Variants in PCDHGB2 observed in about 807,000 individuals in gnomAD.
PCDHGB2 encodes the protein protocadherin gamma subfamily B, 2.
PCDHGB2 carries 55 observed loss-of-function variants against 59.3 expected under a neutral mutation model. The observed-to-expected ratio is 0.93, with a 90% CI of 0.75 to 1.16. The LOEUF (loss-of-function observed/expected upper bound fraction) is 1.16, where lower values mean the gene tolerates loss of function less well. Among genes scored for constraint, PCDHGB2 ranks in the 50% most tolerant of loss-of-function variants. The pLI is 0.00. For synonymous variants in PCDHGB2, 516 were observed against 512.0 expected, an observed-to-expected ratio of 1.01 and a Z score of -0.11; for missense variants, 1,228 against 1,198.5, an observed-to-expected ratio of 1.02 and a Z score of -0.36.
chr5:141,417,524 T>C (rs2096128269), intron 1 of PCDHGB2: 1 of 271,098 alleles, frequency 3.7e-6, no homozygotes, highest in African/African-American at 2.2e-5. Flanking sequence ...GGCTGTCAAC[T>C]CGTAGTTTAA....
At chr5:141,381,830 T>C (rs796824162) in intron 1 of PCDHGB2, among the ~76,000 whole-genome samples, 3 of 133,454 alleles carry the variant, frequency 2.2e-5, no homozygotes, top group African/African-American at 9.3e-5. Flanking sequence ...CTTCTTCTTT[T>C]TTTTTTTTTT....
Position 141,360,974 on chromosome 5 carries a change from C to G in PCDHGB2, c.839C>G (p.Ser280Cys), listed in dbSNP as rs578154507. The change falls in exon 1 of 4, where the codon TCC (serine) becomes TGC (cysteine). Residue 280 changes from serine (S) to cysteine (C), a missense_variant. Transcript: ENST00000522605. The stretch of plus-strand genomic sequence containing the variant: ...GGCATAAACGCAGAGATCACCTACT[C>G]CTTTCATAATGTGGACGAACAAGTG... ...DEGINAEITY[S>C]FHNVDEQVKH... The G allele has an allele frequency of 2.5e-6, 4 of 1,613,822 alleles. No individual in the cohort carries two copies. The South Asian group carries it at 4.4e-5, about 18-fold the overall frequency.
Position 141,493,508 on chromosome 5 carries a change from C to T in PCDHGB2, c.2422-1299C>T, listed in dbSNP as rs2099748607. 1.3e-5 allele frequency among the ~76,000 whole-genome samples: 2 copies of T among 152,284 alleles called. No homozygotes were observed. The highest frequency in any genetic ancestry group is 4.1e-4 in the South Asian group (2 of 4,820). On this transcript the variant is annotated intron_variant, in intron 1 of 3. Transcript: ENST00000522605. The surrounding 1 kb of genome is among the most constrained non-coding windows in gnomAD (Gnocchi z 4.3). Reference sequence around the variant, plus strand: ...TCTTCTGTGGCTCCTCATTTCTGAGCAGTCCCCGCAGCGCAAACTTGGCCA... The same window carrying T: ...TCTTCTGTGGCTCCTCATTTCTGAGTAGTCCCCGCAGCGCAAACTTGGCCA...
intron 2 of PCDHGB2, among the ~76,000 whole-genome samples, chr5:141,496,955 G>T (rs2099772887): frequency 6.6e-6 from 1 of 152,006 alleles, no homozygotes; most frequent in African/African-American, 2.4e-5. Context: ...GGAGGCCAAG[G>T]TGGGTAGATC....
intron 1 of PCDHGB2, chr5:141,423,372 C>G: frequency 6.2e-7 from 1 of 1,614,178 alleles, no homozygotes; most frequent in Non-Finnish European, 8.5e-7. Context: ...TGCTGGCACT[C>G]AGGCTGTGGC....
chr5:141,503,046 G>T (rs1187153008), intron 2 of PCDHGB2, among the ~76,000 whole-genome samples: 1 of 151,658 alleles, frequency 6.6e-6, no homozygotes, highest in Non-Finnish European at 1.5e-5. Flanking sequence ...GTTGAGACAG[G>T]GTTTCACCAT....
In PCDHGB2 at chr5:141,476,656, T is replaced by A. The variant is rs190269177; in HGVS notation, c.2422-18151T>A. 6.2e-7 allele frequency: 1 copy of A among 1,614,210 alleles called. No individual in the cohort carries two copies. The highest frequency in any genetic ancestry group is 1.3e-5 in the African/African-American group (1 of 75,064). ...ATGAGCTGAGCCGAAATGAATACTTTGCGCTTCGCGTGCAGACGCGGGAGG... is the reference window on the plus strand; with the variant it reads ...ATGAGCTGAGCCGAAATGAATACTTAGCGCTTCGCGTGCAGACGCGGGAGG... On this transcript the variant is annotated intron_variant, in intron 1 of 3. Coordinates refer to ENST00000522605, the MANE Select transcript of PCDHGB2 (RefSeq NM_018923.3). This position sits in a 1 kb window ranked among gnomAD's most constrained non-coding sequence, Gnocchi z 7.6.
At position 141,362,075 on chromosome 5, in the gene PCDHGB2, G is replaced by A. The variant is rs533999436; in HGVS notation, c.1940G>A (p.Arg647His). The A allele has an allele frequency of 5.6e-6, 9 of 1,612,846 alleles. No individual in the cohort carries two copies. Among genetic ancestry groups the A allele is most frequent in the Non-Finnish European group, 7.6e-6 (9 of 1,179,816 alleles). Residue 647 changes from arginine (R) to histidine (H), a missense_variant, in exon 1 of 4, where the codon CGT becomes CAT. Around this residue, in one of 3 missense-constraint regions of PCDHGB2, gnomAD observed 433 missense variants for 441.8 expected, o/e 0.98. Coordinates refer to ENST00000522605, the MANE Select transcript of PCDHGB2 (RefSeq NM_018923.3). ...AARQRLLVAV[R>H]DGGQPPLSAT... is the part of the protein sequence containing the mutation. The stretch of plus-strand genomic sequence containing the variant: ...CGCCAGCGCCTGCTGGTCGCTGTGC[G>A]TGATGGAGGACAGCCGCCACTCTCC...
intron 1 of PCDHGB2, among the ~76,000 whole-genome samples, chr5:141,387,456 T>C (rs1444030980): frequency 6.6e-6 from 1 of 152,246 alleles, no homozygotes; most frequent in Non-Finnish European, 1.5e-5. Context: ...ATGATTTGCC[T>C]AAAAATCCTC....
At position 141,486,478 on chromosome 5, in the gene PCDHGB2, C is replaced by T; in HGVS notation, c.2422-8329C>T. The T allele has an allele frequency of 2.5e-6, 4 of 1,614,026 alleles. No homozygotes were observed. The highest frequency in any genetic ancestry group is 3.4e-6 in the Non-Finnish European group (4 of 1,179,854). On this transcript the variant is annotated intron_variant, in intron 1 of 3. Transcript: ENST00000522605. The surrounding 1 kb of genome is among the most constrained non-coding windows in gnomAD (Gnocchi z 5.0). ...CTTCTGATGCTGGGAACCCTCCTCT[C>T]AGTACCCACAGAACTATTTTCCTCA...
rs58019021 is a variant in PCDHGB2, at chr5:141,500,184, T to TTTTATTTATTTA, written c.2481-5178_2481-5167dup. Among the ~76,000 whole-genome samples, 232 of 135,962 alleles carry TTTTATTTATTTA rather than the reference T, an allele frequency of 1.7e-3. 1 individual carries two copies. The highest frequency in any genetic ancestry group is 6.4e-3 in the South Asian group (27 of 4,202). The allele number at this position is 135,962 out of a possible 152,430, so 89.2% of individuals were successfully genotyped here. A position where few individuals can be genotyped will look rare whatever the true frequency, so the allele number is the denominator to read the frequency against. The stretch of plus-strand genomic sequence containing the variant: ...GAACATGCATGAGCTTCATTTTTAT[T>TTTTATTTATTTA]TTTATTTATTTATTTATTTATTTAT... On this transcript the variant is annotated intron_variant, in intron 2 of 3. Transcript: ENST00000522605.
intron 1 of PCDHGB2, among the ~76,000 whole-genome samples, chr5:141,452,416 C>T (rs2098741061): frequency 6.6e-6 from 1 of 152,144 alleles, no homozygotes; most frequent in African/African-American, 2.4e-5. Context: ...GAGGTATGCT[C>T]ACTGCTAATG....
chr5:141,419,315 C>A lies in PCDHGB2; in HGVS notation c.2421+56759C>A, dbSNP rs2096357855. ...TGACCCAGACTTCGGGCTCAACGGC[C>A]GTGTCTCCTACTCTCTCATTGCCAG... On this transcript the variant is annotated intron_variant, in intron 1 of 3. Transcript: ENST00000522605. 3 of 1,613,880 alleles carry A rather than the reference C, an allele frequency of 1.9e-6. No homozygotes were observed. Among genetic ancestry groups the A allele is most frequent in the Non-Finnish European group, 2.5e-6 (3 of 1,179,910 alleles).
In PCDHGB2 at chr5:141,511,086, G is replaced by A. The variant is rs2099883600; in HGVS notation, c.2709G>A (p.Leu903=). The A allele has an allele frequency of 1.2e-6, 2 of 1,614,062 alleles. No individual in the cohort carries two copies. The highest frequency in any genetic ancestry group is 2.2e-5 in the East Asian group (1 of 44,886). The change falls in exon 4 of 4, where the codon CTG becomes CTA. Residue 903 remains leucine (L), a synonymous_variant. Transcript: ENST00000522605. ...ACATCCCAGGCAGCAATGCCACACT[G>A]ACCAACGCAGCTGGCAAGCGGGATG... is the stretch of plus-strand genomic sequence containing the variant. The part of the protein sequence containing the change: ...NVYIPGSNAT[L]TNAAGKRDGK...
rs780024608 is a variant in PCDHGB2, at chr5:141,376,291, C to T, written c.2421+13735C>T. Reference sequence around the variant, plus strand: ...CGGGAGGTGGCTTAGCGAGCATGCCCGGCTCGCACTTTGTGGGCGTGGAAG... The same window carrying T: ...CGGGAGGTGGCTTAGCGAGCATGCCTGGCTCGCACTTTGTGGGCGTGGAAG... On this transcript the variant is annotated intron_variant, in intron 1 of 3. Coordinates refer to ENST00000522605, the MANE Select transcript of PCDHGB2 (RefSeq NM_018923.3). 8 of 1,614,158 alleles carry T rather than the reference C, an allele frequency of 5.0e-6. No homozygotes were observed. The East Asian group carries it at 6.7e-5, about 13-fold the overall frequency.
At chr5:141,433,150 G>C (rs1466566074) in intron 1 of PCDHGB2, 5 of 1,613,936 alleles carry the variant, frequency 3.1e-6, no homozygotes, top group Middle Eastern at 1.6e-4. Flanking sequence ...CAGGTGATTC[G>C]GTATTTTCTA....
chr5:141,414,659 T>C lies in PCDHGB2; in HGVS notation c.2421+52103T>C, dbSNP rs566999623. On this transcript the variant is annotated intron_variant, in intron 1 of 3. Coordinates refer to ENST00000522605, the MANE Select transcript of PCDHGB2 (RefSeq NM_018923.3). ...GAGAATGCCCAGATTATTTACTCCC[T>C]GGCTGAAGACACCATCCAGGGGGTA... 21 of 1,614,010 alleles carry C rather than the reference T, an allele frequency of 1.3e-5. No homozygotes were observed. In the South Asian group the frequency reaches 2.2e-4, roughly 17 times the overall value.
chr5:141,494,801 C>T lies in PCDHGB2; in HGVS notation c.2422-6C>T, dbSNP rs2099757031. ...CTCAGCCCCTTTCCCTCTGTTTTCTCCACAGCAAGCCCCGCCCAACACGGA... is the reference window on the plus strand; with the variant it reads ...CTCAGCCCCTTTCCCTCTGTTTTCTTCACAGCAAGCCCCGCCCAACACGGA... On this transcript the variant is annotated splice_polypyrimidine_tract_variant and splice_region_variant and intron_variant, in intron 1 of 3. Transcript: ENST00000522605. The T allele has an allele frequency of 6.2e-7, 1 of 1,614,146 alleles. No individual in the cohort carries two copies. The highest frequency in any genetic ancestry group is 2.2e-5 in the East Asian group (1 of 44,880).
In PCDHGB2 at chr5:141,405,021, C is replaced by T. The variant is rs188043964; in HGVS notation, c.2421+42465C>T. The T allele has an allele frequency of 2.9e-5, 46 of 1,613,980 alleles. No homozygotes were observed. Among genetic ancestry groups the T allele is most frequent in the Non-Finnish European group, 3.7e-5 (44 of 1,179,862 alleles). On this transcript the variant is annotated intron_variant, in intron 1 of 3. Coordinates refer to ENST00000522605, the MANE Select transcript of PCDHGB2 (RefSeq NM_018923.3). ...GCAGACCTGGAGGCCTCAGACCTTA[C>T]CCTCTACCTCGTTGTGGCTGTGGCA...
Sources: allele counts gnomAD v4.1 joint callset (sites outside exome capture counted in the v4.1 genomes callset), GRCh38; gene constraint gnomAD v4.1.1; regional missense constraint gnomAD v4.1.1; non-coding constraint Gnocchi (gnomAD v3.1); transcripts MANE v1.5; gene names NCBI Gene and HGNC (gene_info 2026-07-23, HGNC 2026-07-21).